The following EXPH5 variants were observed in gnomAD, a reference collection of about 807,000 sequenced individuals.
The protein encoded by EXPH5 is exophilin-5.
A neutral mutation model predicts 41.1 loss-of-function variants in EXPH5; 42 were observed. That is an observed-to-expected ratio of 1.02 (90% CI 0.80 to 1.32). The LOEUF is 1.32. Among genes scored for constraint, EXPH5 ranks in the 40% most tolerant of loss-of-function variants. The probability of loss-of-function intolerance (pLI) is 0.00; values close to 1 mark genes in which losing one functional copy is unlikely to be tolerated. For synonymous variants in EXPH5, 798 were observed against 833.5 expected (o/e 0.96, Z 0.73); for missense variants, 2,298 against 2,314.5 (o/e 0.99, Z 0.15).
intron 1 of EXPH5, among the ~76,000 whole-genome samples, chr11:108,544,763 A>G (rs1332704635): frequency 1.3e-5 from 2 of 152,252 alleles, no homozygotes; most frequent in African/African-American, 2.4e-5. Context: ...AACATGAAGC[A>G]GGAAAATGAA....
chr11:108,600,442 G>GA, the EXPH5 span, among the ~76,000 whole-genome samples: 1,899 of 150,956 alleles, frequency 0.013, 41 homozygotes, highest in African/African-American at 0.041. Context: ...TTTTAAACTA[G>GA]AAAAAAAAAT....
Position 108,510,917 on chromosome 11 carries a change from T to C in EXPH5, c.4590A>G (p.Leu1530=), listed in dbSNP as rs79942405. The C allele has an allele frequency of 0.033, 52,962 of 1,614,174 alleles. 1,103 individuals carry two copies. Among genetic ancestry groups the C allele is most frequent in the South Asian group, 0.058 (5,267 of 91,064 alleles). Residue 1530 remains leucine (L), a synonymous_variant, in exon 6 of 6, where the codon TTA becomes TTG. Coordinates refer to ENST00000265843, the MANE Select transcript of EXPH5 (RefSeq NM_015065.3). The stretch of plus-strand genomic sequence containing the variant: ...CTCTTGGTTCAGACTGCAGACTCTC[T>C]AAGTTTGGTTCATCTGACTGAGTCT... ...GEETQSDEPN[L]ESLQSEPREL...
intron 3 of EXPH5, among the ~76,000 whole-genome samples, chr11:108,532,495 G>A (rs183117369): frequency 6.8e-5 from 10 of 147,642 alleles, no homozygotes; most frequent in Admixed American, 2.0e-4. Flanking sequence ...GATTACAGGC[G>A]TGAGCCATCA....
chr11:108,529,538 G>A (rs879531933), intron 3 of EXPH5, among the ~76,000 whole-genome samples: 1 of 152,060 alleles, frequency 6.6e-6, no homozygotes, highest in Non-Finnish European at 1.5e-5. Flanking sequence ...GGGGTTCTCT[G>A]TCTGAATTCA....
chr11:108,559,048 A>G (rs1032990559), intron 1 of EXPH5, among the ~76,000 whole-genome samples: 1 of 147,906 alleles, frequency 6.8e-6, no homozygotes, highest in African/African-American at 2.7e-5. Flanking sequence ...TTGAGTAAGA[A>G]CAGTTATTTC....
chr11:108,594,454 T>G (rs2094135663), upstream of EXPH5, among the ~76,000 whole-genome samples: 1 of 152,228 alleles, frequency 6.6e-6, no homozygotes, highest in Non-Finnish European at 1.5e-5. Flanking sequence ...ACATGCCATT[T>G]AAAAATACCT....
At chr11:108,572,329 A>G (rs12281397) in intron 1 of EXPH5, among the ~76,000 whole-genome samples, 2,827 of 152,246 alleles carry the variant, frequency 0.019, 104 homozygotes, top group African/African-American at 0.063. Context: ...AGTACTCCAC[A>G]CGTTTACTCA....
In EXPH5 at chr11:108,510,401, C is replaced by G. The variant is rs1473864078; in HGVS notation, c.5106G>C (p.Glu1702Asp). The G allele has an allele frequency of 9.3e-6, 15 of 1,613,922 alleles. 1 individual carries two copies. The highest frequency in any genetic ancestry group is 1.0e-5 in the Non-Finnish European group (12 of 1,179,984). ...ATGGTGATTCTGAGACGTTTTTAAA[C>G]TCATTCTGATGTCGTTGTGAAATGC... The part of the protein sequence containing the change: ...SNSISQRHQN[E>D]FKNVSESPSK... Residue 1702 changes from glutamate (E) to aspartate (D), a missense_variant, in exon 6 of 6, where the codon GAG becomes GAC. Glu to Asp is a conservative substitution (Grantham distance 45). Coordinates refer to ENST00000265843, the MANE Select transcript of EXPH5 (RefSeq NM_015065.3).
chr11:108,604,639 G>C, the EXPH5 span, among the ~76,000 whole-genome samples: 1 of 152,070 alleles, frequency 6.6e-6, no homozygotes, highest in African/African-American at 2.4e-5. Context: ...GGAAGTCAAT[G>C]GGAATGTGGA....
In EXPH5 at chr11:108,520,334, G is replaced by A. The variant is rs76254390; in HGVS notation, c.493-1961C>T. The stretch of plus-strand genomic sequence containing the variant: ...TTTCTGTGGAAAAGTTCTTTTCCAC[G>A]AAGTGGGTCCCTGGTGCCAAAAACG... On this transcript the variant is annotated intron_variant, in intron 4 of 5. Transcript: ENST00000265843. Among the ~76,000 whole-genome samples, 330 of 152,148 alleles carry A rather than the reference G, an allele frequency of 2.2e-3. 1 individual carries two copies. Among genetic ancestry groups the A allele is most frequent in the African/African-American group, 7.6e-3 (315 of 41,536 alleles).
intron 4 of EXPH5, among the ~76,000 whole-genome samples, chr11:108,523,591 G>A (rs544098013): frequency 2.3e-4 from 35 of 152,302 alleles, no homozygotes; most frequent in Non-Finnish European, 2.8e-4. Context: ...ACTATATAAG[G>A]CTGTGTGTGG....
intron 4 of EXPH5, among the ~76,000 whole-genome samples, chr11:108,527,202 C>A (rs1363258854): frequency 6.6e-6 from 1 of 151,986 alleles, no homozygotes; most frequent in African/African-American, 2.4e-5. Flanking sequence ...GGCCTGCAAT[C>A]CCAGCTAATT....
rs1306115645 is a variant in EXPH5 at position 108,593,523 on chromosome 11, G to A, written c.14C>T (p.Pro5Leu). The A allele has an allele frequency of 5.0e-6, 8 of 1,614,102 alleles. No homozygotes were observed. The South Asian group carries it at 5.5e-5, about 11-fold the overall frequency. ...TAAGAAACTGAAATCAAACGCCGGA[G>A]GAACTTTCGTCATTTTCTTTACTGT... is the stretch of plus-strand genomic sequence containing the variant. MTKVPPAFDFSFLND... is the reference protein window; with the variant it reads MTKVLPAFDFSFLND... Residue 5 changes from proline to leucine, a missense_variant, in exon 1 of 6, where the codon CCT becomes CTT. Coordinates refer to ENST00000265843, the MANE Select transcript of EXPH5 (RefSeq NM_015065.3).
At chr11:108,573,257 C>T (rs763233988) in intron 1 of EXPH5, among the ~76,000 whole-genome samples, 6 of 151,244 alleles carry the variant, frequency 4.0e-5, no homozygotes, top group Admixed American at 1.3e-4. Flanking sequence ...AGCAAGCAAG[C>T]GAGGGAGAAA....
intron 1 of EXPH5, among the ~76,000 whole-genome samples, chr11:108,575,185 G>A (rs1028200301): frequency 1.3e-5 from 2 of 152,160 alleles, no homozygotes; most frequent in African/African-American, 4.8e-5. Context: ...CACAGCATTA[G>A]AAATTAAATG....
intron 4 of EXPH5, among the ~76,000 whole-genome samples, chr11:108,521,722 T>C (rs1233283050): frequency 6.6e-6 from 1 of 152,216 alleles, no homozygotes; most frequent in Non-Finnish European, 1.5e-5. Context: ...TTAGTGATAA[T>C]AACAATTAGT....
intron 1 of EXPH5, among the ~76,000 whole-genome samples, chr11:108,568,317 C>T (rs886792035): frequency 1.1e-4 from 17 of 152,108 alleles, no homozygotes; most frequent in Non-Finnish European, 2.4e-4. Context: ...TCGCTGGGCA[C>T]CTGCTGCCTG....
At position 108,513,029 on chromosome 11, in the gene EXPH5, G is replaced by A. The variant is rs2093694531; in HGVS notation, c.2478C>T (p.Asp826=). 1.9e-6 allele frequency: 3 copies of A among 1,613,890 alleles called. No individual in the cohort carries two copies. The highest frequency in any genetic ancestry group is 1.3e-5 in the African/African-American group (1 of 74,900). ...CAGTTAATTCCTGGTGACAACCTTGGTCTGTCCTGGGGAAAGATGGTGGTG... is the reference window on the plus strand; with the variant it reads ...CAGTTAATTCCTGGTGACAACCTTGATCTGTCCTGGGGAAAGATGGTGGTG... ...HRTPPSFPRT[D]QGCHQELTVN... is the part of the protein sequence containing the mutation. The change falls in exon 6 of 6, where the codon GAC becomes GAT. Residue 826 remains aspartate (D), a synonymous_variant. Transcript: ENST00000265843.
chr11:108,539,329 G>T, intron 2 of EXPH5, 143 bp from the exon 3 acceptor site: 1 of 580,812 alleles, frequency 1.7e-6, no homozygotes. Flanking sequence ...AAGACCTCAG[G>T]GATTAAGGCA....
Sources: gnomAD v4.1 joint callset for allele counts (sites outside exome capture counted in the v4.1 genomes callset) on GRCh38, gnomAD v4.1.1 for gene constraint, MANE v1.5 for transcripts, NCBI Gene and HGNC (gene_info 2026-07-23, HGNC 2026-07-21) for gene names.